NBAS: variants seen among roughly 807,000 people sequenced by gnomAD.
NBAS encodes NAG/BC035112 fusion.
A neutral mutation model predicts 302.5 loss-of-function variants in NBAS; 219 were observed. That is an observed-to-expected ratio of 0.72 (90% CI 0.65 to 0.81). NBAS has a LOEUF of 0.81. Ranked by LOEUF, NBAS falls within the 30% of genes least tolerant of loss-of-function variation. The probability of loss-of-function intolerance (pLI) is 0.00; values close to 1 mark genes in which losing one functional copy is unlikely to be tolerated. For missense variants in NBAS, 2,932 were observed against 2,841.6 expected, an observed-to-expected ratio of 1.03 and a Z score of -0.72; for synonymous variants, 1,118 against 1,021.6, an observed-to-expected ratio of 1.09 and a Z score of -1.80.
chr2:15,543,761 C>A (rs746671716), intron 6 of NBAS, among the ~76,000 whole-genome samples: 8 of 152,170 alleles, frequency 5.3e-5, no homozygotes, highest in Admixed American at 5.2e-4. Context: ...GGGTCCCTCC[C>A]GCAACACGTG....
intron 11 of NBAS, among the ~76,000 whole-genome samples, chr2:15,495,236 T>A (rs1267224258): frequency 1.3e-5 from 2 of 152,124 alleles, no homozygotes; most frequent in Non-Finnish European, 2.9e-5. Context: ...ACAGGGGAAG[T>A]CCCATACTAA....
chr2:14,859,642 A>G, the NBAS span, among the ~76,000 whole-genome samples: 1 of 152,138 alleles, frequency 6.6e-6, no homozygotes, highest in African/African-American at 2.4e-5. Flanking sequence ...ATGCAAAAGA[A>G]TGAAACTAGC....
At chr2:15,446,448 C>T (rs1558347409) in intron 21 of NBAS, among the ~76,000 whole-genome samples, 1 of 152,128 alleles carries the variant, frequency 6.6e-6, no homozygotes, top group Non-Finnish European at 1.5e-5. Context: ...GAATTCTATA[C>T]TCAATAAAAT....
chr2:15,041,991 T>G, the NBAS span, among the ~76,000 whole-genome samples: 1 of 152,208 alleles, frequency 6.6e-6, no homozygotes, highest in Admixed American at 6.5e-5. Flanking sequence ...GAAATGAAGG[T>G]GATACGTGTT....
chr2:15,402,268 G>C lies in NBAS; in HGVS notation c.2971C>G (p.Leu991Val). The C allele has an allele frequency of 6.2e-7, 1 of 1,613,588 alleles. No homozygotes were observed. The highest frequency in any genetic ancestry group is 8.5e-7 in the Non-Finnish European group (1 of 1,179,668). Residue 991 changes from leucine (L) to valine (V), a missense_variant, in exon 26 of 52, where the codon CTG becomes GTG. Coordinates refer to ENST00000281513, the MANE Select transcript of NBAS (RefSeq NM_015909.4). ...ATGCACTCTAGTGCTATTGCCATCAGTTGGTCCTGATCAGGAATAATTTTT... is the reference window on the plus strand; with the variant it reads ...ATGCACTCTAGTGCTATTGCCATCACTTGGTCCTGATCAGGAATAATTTTT... ...QQKIIPDQDQ[L>V]MAIALECIYT...
chr2:14,810,071 T>C, the NBAS span, among the ~76,000 whole-genome samples: 3 of 152,252 alleles, frequency 2.0e-5, no homozygotes, highest in Non-Finnish European at 4.4e-5. Flanking sequence ...AGGAAGTAAC[T>C]AACTTGCTTT....
chr2:15,486,910 C>T (rs920711540), intron 12 of NBAS, among the ~76,000 whole-genome samples: 24 of 150,928 alleles, frequency 1.6e-4, no homozygotes, highest in Non-Finnish European at 2.5e-4. Flanking sequence ...TTCAATTTAT[C>T]TTTGCAGGAC....
chr2:15,461,958 C>T (rs1679525117), intron 19 of NBAS, among the ~76,000 whole-genome samples, 167 bp from the exon 20 acceptor site: 1 of 152,062 alleles, frequency 6.6e-6, no homozygotes, highest in African/African-American at 2.4e-5. Flanking sequence ...GCATTATTGC[C>T]TTTATTTTGG....
chr2:14,896,005 G>GA, the NBAS span, among the ~76,000 whole-genome samples: 43,084 of 150,094 alleles, frequency 0.29, 10,583 homozygotes, highest in African/African-American at 0.68. Flanking sequence ...CTATAAAGGG[G>GA]AAAAAAAAAC....
intron 49 of NBAS, among the ~76,000 whole-genome samples, chr2:15,188,875 T>G (rs1441720756): frequency 6.6e-6 from 1 of 152,200 alleles, no homozygotes; most frequent in African/African-American, 2.4e-5. Context: ...ACAATTCAAC[T>G]CTAATAATTA....
rs141474330 is a variant in NBAS at position 15,257,093 on chromosome 2, T to C, written c.5724+18391A>G. On this transcript the variant is annotated intron_variant, in intron 44 of 51. Coordinates refer to ENST00000281513, the MANE Select transcript of NBAS (RefSeq NM_015909.4). ...TGATTTAGGAAAGATTCCCTCTTTC[T>C]CTATCTTTTGGAATAGTTTCAGTAA... 3.1e-4 allele frequency among the ~76,000 whole-genome samples: 47 copies of C among 152,322 alleles called. No homozygotes were observed. The East Asian group carries it at 8.1e-3, about 26-fold the overall frequency.
chr2:15,049,677 G>T, the NBAS span, among the ~76,000 whole-genome samples: 1 of 152,220 alleles, frequency 6.6e-6, no homozygotes, highest in Non-Finnish European at 1.5e-5. Context: ...CCAGAAAGAG[G>T]GCCAGATAGA....
the NBAS span, among the ~76,000 whole-genome samples, chr2:14,824,045 G>C: frequency 1.3e-5 from 2 of 152,204 alleles, no homozygotes; most frequent in Non-Finnish European, 2.9e-5. Flanking sequence ...CCACTGCCCA[G>C]AGCCAGAGGG....
At chr2:15,327,403 A>T (rs575483765) in intron 38 of NBAS, among the ~76,000 whole-genome samples, 1 of 152,234 alleles carries the variant, frequency 6.6e-6, no homozygotes, top group Non-Finnish European at 1.5e-5. Flanking sequence ...CTGAAGATCA[A>T]ATATGATCTA....
the NBAS span, among the ~76,000 whole-genome samples, chr2:15,049,811 G>GGGGGCC: frequency 2.0e-5 from 3 of 152,206 alleles, no homozygotes; most frequent in African/African-American, 7.2e-5. Flanking sequence ...GGAGCTTCCA[G>GGGGGCC]GGGGCCTTGT....
At chr2:15,394,464 G>A in intron 27 of NBAS, 115 bp from the exon 28 acceptor site, 1 of 1,071,042 alleles carries the variant, frequency 9.3e-7, no homozygotes, top group Non-Finnish European at 1.4e-6. Flanking sequence ...TTATCCCATA[G>A]TGTAATCCAA....
chr2:15,175,254 C>T (rs189323818), intron 51 of NBAS, among the ~76,000 whole-genome samples: 14 of 152,198 alleles, frequency 9.2e-5, no homozygotes, highest in Non-Finnish European at 1.8e-4. Context: ...TGTGAGCCAC[C>T]GTGCCCGGCC....
intron 44 of NBAS, among the ~76,000 whole-genome samples, chr2:15,245,806 A>G (rs567359936): frequency 6.6e-6 from 1 of 152,294 alleles, no homozygotes; most frequent in Non-Finnish European, 1.5e-5. Context: ...CTGGACAGTA[A>G]ATATGTTAGG....
At chr2:14,886,679 T>A in the NBAS span, 2 of 152,262 alleles carry the variant, frequency 1.3e-5, no homozygotes, top group African/African-American at 2.4e-5. Flanking sequence ...AGTGTCTACA[T>A]TGACGTATCC....
Sources: gnomAD v4.1 joint callset for allele counts (sites outside exome capture counted in the v4.1 genomes callset) on GRCh38, gnomAD v4.1.1 for gene constraint, MANE v1.5 for transcripts, NCBI Gene and HGNC (gene_info 2026-07-23, HGNC 2026-07-21) for gene names.